The following ENG variants were observed in gnomAD, a reference collection of about 807,000 sequenced individuals.
ENG encodes CD105 antigen.
In ENG, 17 loss-of-function variants were observed where a neutral mutation model predicts 71.0. The observed-to-expected ratio is 0.24, with a 90% CI of 0.16 to 0.36. The LOEUF is 0.36. Among genes scored for constraint, ENG ranks in the 10% least tolerant of loss-of-function variants. The probability of loss-of-function intolerance (pLI) is 1.00; values close to 1 mark genes in which losing one functional copy is unlikely to be tolerated. For missense variants in ENG, 749 were observed against 868.3 expected (o/e 0.86, Z 1.73); for synonymous variants, 360 against 366.9 (o/e 0.98, Z 0.21).
In ENG at chr9:127,815,899, T is replaced by C; in HGVS notation, c.1852+44A>G. 3 of 1,573,874 alleles carry C rather than the reference T, an allele frequency of 1.9e-6. No homozygotes were observed. In the South Asian group the frequency reaches 3.5e-5, roughly 18 times the overall value. On this transcript the variant is annotated intron_variant, in intron 14 of 14. Coordinates refer to ENST00000373203, the MANE Select transcript of ENG (RefSeq NM_001114753.3). ...GCTTCACTGGGCTCCCCCGGGTGGA[T>C]GGAGGGGCCCGGCATGCTCACTGTG...
At chr9:127,835,970 T>C (rs1830892891) in intron 2 of ENG, among the ~76,000 whole-genome samples, 1 of 152,080 alleles carries the variant, frequency 6.6e-6, no homozygotes, top group African/African-American at 2.4e-5. Context: ...AGTGAGTAGT[T>C]GGGAAACTCA....
chr9:127,837,132 A>G (rs1167769278), intron 2 of ENG, among the ~76,000 whole-genome samples: 1 of 152,106 alleles, frequency 6.6e-6, no homozygotes, highest in Non-Finnish European at 1.5e-5. Context: ...GCACACAGTC[A>G]TCCAAGGAGA....
intron 1 of ENG, among the ~76,000 whole-genome samples, chr9:127,848,364 A>G (rs1040749459): frequency 4.0e-5 from 6 of 151,476 alleles, no homozygotes; most frequent in Admixed American, 2.0e-4. Context: ...ATCATAGCTC[A>G]CTGCAACCTC....
intron 2 of ENG, among the ~76,000 whole-genome samples, chr9:127,840,328 G>A (rs1831000946): frequency 6.6e-6 from 1 of 152,232 alleles, no homozygotes; most frequent in African/African-American, 2.4e-5. Context: ...AGACGCAGTG[G>A]CTCATGCCTG....
intron 3 of ENG, 97 bp from the exon 4 acceptor site, chr9:127,826,769 TTGGC>T (rs1330864525): frequency 1.3e-6 from 2 of 1,502,966 alleles, no homozygotes; most frequent in Admixed American, 1.9e-5. Context: ...AGTCAGCCCA[TTGGC>T]TGAGAGAAAG....
intron 1 of ENG, among the ~76,000 whole-genome samples, 170 bp from the exon 2 acceptor site, chr9:127,843,415 C>A (rs947556290): frequency 2.0e-5 from 3 of 151,948 alleles, no homozygotes; most frequent in Non-Finnish European, 2.9e-5. Flanking sequence ...TTAAAAAAAA[C>A]CAAGGCTAGG....
At chr9:127,829,553 TG>T in intron 3 of ENG, 133 bp downstream of exon 3, 1 of 1,244,040 alleles carries the variant, frequency 8.0e-7, no homozygotes, top group Non-Finnish European at 1.1e-6. Context: ...GGCAGGACCC[TG>T]GTGAATAATG....
intron 3 of ENG, among the ~76,000 whole-genome samples, chr9:127,827,459 T>G (rs1482080373): frequency 2.0e-5 from 3 of 150,840 alleles, no homozygotes; most frequent in Non-Finnish European, 4.4e-5. Flanking sequence ...GAAATGGGGG[T>G]TGGGGGTGAG....
chr9:127,818,106 C>G lies in ENG; in HGVS notation c.1686+14G>C. ...CTCCCACTTGAAGCTGGGGCCGGCCCAGGCCCCACTCACCTGGTCTTGAGA... is the reference window on the plus strand; with the variant it reads ...CTCCCACTTGAAGCTGGGGCCGGCCGAGGCCCCACTCACCTGGTCTTGAGA... On this transcript the variant is annotated intron_variant, in intron 12 of 14. Coordinates refer to ENST00000373203, the MANE Select transcript of ENG (RefSeq NM_001114753.3). The G allele has an allele frequency of 6.2e-7, 1 of 1,614,064 alleles. No homozygotes were observed. The highest frequency in any genetic ancestry group is 8.5e-7 in the Non-Finnish European group (1 of 1,180,042).
Position 127,815,704 on chromosome 9 carries a change from C to T in ENG, c.1955G>A (p.Cys652Tyr), listed in dbSNP as rs774869649. The T allele has an allele frequency of 3.8e-5, 59 of 1,564,088 alleles. No individual in the cohort carries two copies. The highest frequency in any genetic ancestry group is 4.0e-5 in the Non-Finnish European group (47 of 1,161,060). ...HSIGSTQSTP[C>Y]STSSMA is the part of the protein sequence containing the mutation. ...GGGCTATGCCATGCTGCTGGTGGAG[C>T]AGGGGGTGCTCTGGGTGCTCCCGAT... The change falls in exon 15 of 15, where the codon TGC becomes TAC. Residue 652 changes from cysteine (C) to tyrosine (Y), a missense_variant. Cys to Tyr is a radical substitution (Grantham distance 194). Transcript: ENST00000373203.
intron 1 of ENG, 97 bp downstream of exon 1, chr9:127,854,192 C>T (rs939923302): frequency 1.2e-5 from 15 of 1,301,922 alleles, no homozygotes; most frequent in African/African-American, 1.0e-4. Flanking sequence ...CTCTGCTGGG[C>T]GTGAGCTCAG....
rs756980265 is a variant in ENG, at chr9:127,826,521, C to T, written c.512G>A (p.Arg171Gln). ...ELNDPQSILL[R>Q]LGQAQGSLSF... ...CTGGGGAAACTGACCTTGGCCCAGT[C>T]GGAGGAGGATGCTCTGGGGGTCATT... The change falls in exon 4 of 15, where the codon CGA becomes CAA. Residue 171 changes from arginine (R) to glutamine (Q), a missense_variant. By Grantham distance (43) the Arg-to-Gln change is conservative (BLOSUM62 1). Coordinates refer to ENST00000373203, the MANE Select transcript of ENG (RefSeq NM_001114753.3). 2.0e-5 allele frequency: 33 copies of T among 1,613,876 alleles called. No homozygotes were observed. Among genetic ancestry groups the T allele is most frequent in the Middle Eastern group, 1.6e-4 (1 of 6,082 alleles).
At chr9:127,837,621 G>T (rs935221368) in intron 2 of ENG, among the ~76,000 whole-genome samples, 1 of 152,110 alleles carries the variant, frequency 6.6e-6, no homozygotes, top group Non-Finnish European at 1.5e-5. Flanking sequence ...CAACACCTCC[G>T]AACGACCAGA....
chr9:127,838,707 A>G lies in ENG; in HGVS notation c.219+4387T>C, dbSNP rs778502421. Among the ~76,000 whole-genome samples, 25 of 152,116 alleles carry G rather than the reference A, an allele frequency of 1.6e-4. No individual in the cohort carries two copies. The highest frequency in any genetic ancestry group is 2.6e-4 in the Non-Finnish European group (18 of 68,012). On this transcript the variant is annotated intron_variant, in intron 2 of 14. Transcript: ENST00000373203. This position sits in a 1 kb window ranked among gnomAD's most constrained non-coding sequence, Gnocchi z 4.3. ...AGTCAGCCTGACGGGAATTGCTGAG[A>G]CACCAGGCTGGTTTCCTGTCTCCGA...
intron 1 of ENG, among the ~76,000 whole-genome samples, chr9:127,844,135 A>T (rs899152752): frequency 5.4e-4 from 75 of 137,772 alleles, no homozygotes; most frequent in Middle Eastern, 4.5e-3. Flanking sequence ...ATTTTATTTT[A>T]TTTTTTTGAG....
chr9:127,819,493 C>G (rs888242342), intron 10 of ENG, 129 bp downstream of exon 10: 3 of 1,267,404 alleles, frequency 2.4e-6, no homozygotes, highest in Non-Finnish European at 3.4e-6. Context: ...AAGGGGAGAC[C>G]GAGGCATTCC....
intron 4 of ENG, 45 bp from the exon 5 acceptor site, chr9:127,825,905 C>T: frequency 6.4e-7 from 1 of 1,552,452 alleles, no homozygotes; most frequent in Non-Finnish European, 8.7e-7. Context: ...AGCAGCCCTG[C>T]ACCTAACAGA....
In ENG at chr9:127,815,396, A is replaced by G. The variant is rs745464567; in HGVS notation, c.*286T>C. On this transcript the variant is annotated 3_prime_UTR_variant, in exon 15 of 15. Transcript: ENST00000373203. ...AGTGCTGGATCCAGGTTCAAATGAC[A>G]GGGACTTGGGTTTTTACAACAGCGT... The G allele has an allele frequency of 4.2e-6, 2 of 473,500 alleles. No homozygotes were observed. The highest frequency in any genetic ancestry group is 1.9e-5 in the African/African-American group (1 of 51,294). The allele number at this position is 473,500 out of a possible 1,614,324, so 29.3% of individuals were successfully genotyped here.
rs991496252 is a variant in ENG, at chr9:127,829,781, C to G, written c.266G>C (p.Gly89Ala). 3 of 1,614,006 alleles carry G rather than the reference C, an allele frequency of 1.9e-6. No homozygotes were observed. In the African/African-American group the frequency reaches 4.0e-5, roughly 22 times the overall value. ...CAGAAGCACCTCTCGGGGCCAGGTG[C>G]CATTTTGCTTGGATGCCTGGAGAGT... ...ELTLQASKQN[G>A]TWPREVLLVL... The change falls in exon 3 of 15, where the codon GGC (glycine) becomes GCC (alanine). Residue 89 changes from glycine to alanine, a missense_variant. Physicochemically the swap from Gly to Ala is moderately conservative, Grantham distance 60. Coordinates refer to ENST00000373203, the MANE Select transcript of ENG (RefSeq NM_001114753.3).
Sources: gnomAD v4.1 joint callset for allele counts (sites outside exome capture counted in the v4.1 genomes callset) on GRCh38, gnomAD v4.1.1 for gene constraint, Gnocchi (gnomAD v3.1) non-coding constraint, MANE v1.5 for transcripts, NCBI Gene and HGNC (gene_info 2026-07-23, HGNC 2026-07-21) for gene names.